PROS1: variants seen among roughly 807,000 people sequenced by gnomAD.
The protein encoded by PROS1 is vitamin K-dependent protein S.
Under a neutral mutation model 75.9 loss-of-function variants are expected in PROS1, and 29 were observed. That is an observed-to-expected ratio of 0.38 (90% CI 0.28 to 0.52). The LOEUF is 0.52. Among genes scored for constraint, PROS1 ranks in the 20% least tolerant of loss-of-function variants. The pLI is 0.83. For missense variants in PROS1, 680 were observed against 810.3 expected, an observed-to-expected ratio of 0.84 and a Z score of 1.95; for synonymous variants, 245 against 280.6, an observed-to-expected ratio of 0.87 and a Z score of 1.27.
Position 93,874,272 on chromosome 3 carries a change from T to C in PROS1, c.2004A>G (p.Ser668=). Residue 668 remains serine, a synonymous_variant, in exon 15 of 15, where the codon TCA becomes TCG. Transcript: ENST00000394236. The stretch of plus-strand genomic sequence containing the variant: ...AAGAATTCTTTGTCTTTTTCCAAAC[T>C]GATGGACATGAGTGAGCTCTAATAT... ...HNDIRAHSCP[S]VWKKTKNS 1.2e-6 allele frequency: 2 copies of C among 1,613,490 alleles called. No individual in the cohort carries two copies. Among genetic ancestry groups the C allele is most frequent in the Non-Finnish European group, 1.7e-6 (2 of 1,179,530 alleles).
Position 93,898,435 on chromosome 3 carries a change from G to C in PROS1, c.849+13C>G, listed in dbSNP as rs1436654442. On this transcript the variant is annotated intron_variant, in intron 8 of 14. Coordinates refer to ENST00000394236, the MANE Select transcript of PROS1 (RefSeq NM_000313.4). ...GAAAACAGGTGAGAAGTTAAGCATTGTAAAATGTTTACCTCACAACTCTTC... is the reference window on the plus strand; with the variant it reads ...GAAAACAGGTGAGAAGTTAAGCATTCTAAAATGTTTACCTCACAACTCTTC... 1.9e-6 allele frequency: 3 copies of C among 1,611,710 alleles called. No individual in the cohort carries two copies. In the South Asian group the frequency reaches 3.3e-5, roughly 18 times the overall value.
intron 11 of PROS1, among the ~76,000 whole-genome samples, chr3:93,885,801 A>G (rs556963749): frequency 6.6e-6 from 1 of 152,358 alleles, no homozygotes. Flanking sequence ...AATCTTTTAA[A>G]AGTTAAAGTA....
At chr3:93,900,992 C>A (rs1559934002) in intron 6 of PROS1, 63 bp from the exon 7 acceptor site, 6 of 1,561,034 alleles carry the variant, frequency 3.8e-6, no homozygotes, top group Non-Finnish European at 4.4e-6. Context: ...TACCAAAGAA[C>A]CCTTGATTTG....
At chr3:93,903,948 A>C in intron 6 of PROS1, among the ~76,000 whole-genome samples, 1 of 148,074 alleles carries the variant, frequency 6.8e-6, no homozygotes, top group Non-Finnish European at 1.5e-5. Context: ...TATATCTCCC[A>C]ATGCTATCCC....
intron 1 of PROS1, among the ~76,000 whole-genome samples, chr3:93,956,371 C>T (rs6764203): frequency 0.37 from 56,831 of 151,898 alleles, 11,701 homozygotes; most frequent in East Asian, 0.55. Flanking sequence ...ATGGCTCATG[C>T]CTGTAGTCCC....
At chr3:93,953,100 CA>C (rs1048858603) in intron 1 of PROS1, among the ~76,000 whole-genome samples, 1 of 151,874 alleles carries the variant, frequency 6.6e-6, no homozygotes, top group Non-Finnish European at 1.5e-5. Flanking sequence ...GCCTACCAAC[CA>C]AAAAAAGACC....
At chr3:93,932,139 G>A (rs1032930048) in intron 1 of PROS1, among the ~76,000 whole-genome samples, 2 of 152,196 alleles carry the variant, frequency 1.3e-5, no homozygotes, top group African/African-American at 4.8e-5. Flanking sequence ...CTGACATGCA[G>A]CAATATCTAA....
chr3:93,947,900 C>A (rs1403628443), intron 1 of PROS1, among the ~76,000 whole-genome samples: 1 of 152,072 alleles, frequency 6.6e-6, no homozygotes, highest in Admixed American at 6.6e-5. Context: ...TAAATACTCT[C>A]CCCCCTTACC....
intron 1 of PROS1, among the ~76,000 whole-genome samples, chr3:93,964,724 T>A (rs1709761651): frequency 6.6e-6 from 1 of 152,150 alleles, no homozygotes; most frequent in African/African-American, 2.4e-5. Context: ...CCACTCCCCT[T>A]CTGAAATCCT....
intron 1 of PROS1, among the ~76,000 whole-genome samples, chr3:93,944,281 A>C (rs1399709627): frequency 6.6e-6 from 1 of 151,788 alleles, no homozygotes; most frequent in Non-Finnish European, 1.5e-5. Flanking sequence ...CAACGAAAAA[A>C]TCATCAGAAA....
intron 10 of PROS1, among the ~76,000 whole-genome samples, chr3:93,892,095 C>T (rs960461635): frequency 5.9e-5 from 9 of 151,984 alleles, no homozygotes; most frequent in East Asian, 1.9e-4. Flanking sequence ...TTTGGGAGGC[C>T]GAAGTGGGTG....
rs185511828 is a variant in PROS1 at position 93,939,508 on chromosome 3, T to C, written c.77-12101A>G. Reference sequence around the variant, plus strand: ...CGGCCTCCACTCCCCGACACTATAATCCTTCTATCACCTCCCTTCCTTACA... The same window carrying C: ...CGGCCTCCACTCCCCGACACTATAACCCTTCTATCACCTCCCTTCCTTACA... On this transcript the variant is annotated intron_variant, in intron 1 of 14. Transcript: ENST00000394236. Among the ~76,000 whole-genome samples the C allele has an allele frequency of 2.1e-3, 322 of 152,206 alleles. 1 individual carries two copies. The highest frequency in any genetic ancestry group is 4.0e-3 in the Non-Finnish European group (269 of 68,016).
intron 3 of PROS1, among the ~76,000 whole-genome samples, chr3:93,916,489 GAA>G (rs932273278): frequency 3.3e-5 from 5 of 152,142 alleles, no homozygotes; most frequent in Admixed American, 3.3e-4. Flanking sequence ...TAATTTCATG[GAA>G]AAGTGTGTTC....
At chr3:93,962,150 CAG>C (rs1197909881) in intron 1 of PROS1, among the ~76,000 whole-genome samples, 3 of 152,018 alleles carry the variant, frequency 2.0e-5, no homozygotes, top group Admixed American at 1.3e-4. Flanking sequence ...TGGGAAGAAA[CAG>C]GGGTGGCTGA....
chr3:93,968,750 C>T (rs1709827030), intron 1 of PROS1, among the ~76,000 whole-genome samples: 3 of 152,058 alleles, frequency 2.0e-5, no homozygotes, highest in Non-Finnish European at 2.9e-5. Context: ...AAATAAAAAT[C>T]AGAGGATTAT....
chr3:93,886,103 T>G (rs1249194730), intron 11 of PROS1, among the ~76,000 whole-genome samples: 1 of 152,204 alleles, frequency 6.6e-6, no homozygotes, highest in Admixed American at 6.5e-5. Flanking sequence ...AGAAATCCAC[T>G]TCATGATTTA....
intron 10 of PROS1, among the ~76,000 whole-genome samples, chr3:93,890,034 G>T (rs1269717274): frequency 6.6e-6 from 1 of 152,098 alleles, no homozygotes; most frequent in Non-Finnish European, 1.5e-5. Flanking sequence ...TCCTAGCAAA[G>T]AATATTAATA....
intron 1 of PROS1, among the ~76,000 whole-genome samples, chr3:93,938,885 G>A (rs1709232665): frequency 6.6e-6 from 1 of 152,058 alleles, no homozygotes; most frequent in African/African-American, 2.4e-5. Flanking sequence ...TCACTTGGTG[G>A]CATGTCAATG....
At chr3:93,900,620 A>G (rs1576183989) in intron 7 of PROS1, among the ~76,000 whole-genome samples, 184 bp downstream of exon 7, 1 of 152,232 alleles carries the variant, frequency 6.6e-6, no homozygotes, top group East Asian at 1.9e-4. Context: ...AAACTTAAAG[A>G]CCATATGCCT....
Sources: gnomAD v4.1 joint callset for allele counts (sites outside exome capture counted in the v4.1 genomes callset) on GRCh38, gnomAD v4.1.1 for gene constraint, MANE v1.5 for transcripts, NCBI Gene and HGNC (gene_info 2026-07-23, HGNC 2026-07-21) for gene names.